AMPH: variants seen among roughly 807,000 people sequenced by gnomAD.
AMPH encodes the protein amphiphysin (Stiff-Mann syndrome with breast cancer 128kD autoantigen).
AMPH carries 49 observed loss-of-function variants against 99.1 expected under a neutral mutation model. The observed-to-expected ratio is 0.49, with a 90% CI of 0.39 to 0.63. AMPH has a LOEUF of 0.63. Ranked by LOEUF, AMPH falls within the 20% of genes least tolerant of loss-of-function variation. The pLI is 0.00. For synonymous variants in AMPH, 314 were observed against 317.3 expected (o/e 0.99, Z 0.11); for missense variants, 759 against 863.4 (o/e 0.88, Z 1.52).
At chr7:38,480,620 T>A (rs1001026204) in intron 5 of AMPH, among the ~76,000 whole-genome samples, 1 of 152,128 alleles carries the variant, frequency 6.6e-6, no homozygotes, top group Non-Finnish European at 1.5e-5. Context: ...CACTTACAAC[T>A]AGTATACTAG....
chr7:38,568,136 G>T (rs894619322), intron 1 of AMPH, among the ~76,000 whole-genome samples: 1 of 152,094 alleles, frequency 6.6e-6, no homozygotes, highest in Non-Finnish European at 1.5e-5. Context: ...CCTTATTACT[G>T]TTGGGGTATT....
chr7:38,606,957 C>T (rs542693538), intron 1 of AMPH, among the ~76,000 whole-genome samples: 2 of 152,236 alleles, frequency 1.3e-5, no homozygotes, highest in African/African-American at 4.8e-5. Flanking sequence ...AGTGAATGGA[C>T]ATTTGTGTTG....
At chr7:38,468,720 T>C (rs1787761617) in intron 7 of AMPH, among the ~76,000 whole-genome samples, 1 of 152,192 alleles carries the variant, frequency 6.6e-6, no homozygotes. Context: ...TAGCACCTAG[T>C]ACACGGCAAG....
chr7:38,493,764 G>A (rs1403827894), intron 4 of AMPH, among the ~76,000 whole-genome samples: 5 of 152,152 alleles, frequency 3.3e-5, no homozygotes, highest in South Asian at 4.1e-4. Flanking sequence ...CCCTGCATTT[G>A]GGGAGGCATA....
chr7:38,422,797 T>C (rs1398326652), intron 15 of AMPH, among the ~76,000 whole-genome samples: 36 of 152,158 alleles, frequency 2.4e-4, no homozygotes, highest in Admixed American at 2.3e-3. Flanking sequence ...TTTTGCATTT[T>C]TTTGTATAGA....
At chr7:38,447,783 T>C (rs1216162664) in intron 11 of AMPH, among the ~76,000 whole-genome samples, 2 of 138,028 alleles carry the variant, frequency 1.4e-5, no homozygotes, top group South Asian at 2.4e-4. Flanking sequence ...CACACACCCA[T>C]ACACAAAATT....
At chr7:38,498,765 A>G (rs1479148638) in intron 3 of AMPH, among the ~76,000 whole-genome samples, 1 of 152,240 alleles carries the variant, frequency 6.6e-6, no homozygotes, top group Non-Finnish European at 1.5e-5. Context: ...CCTTGTCTAC[A>G]ATAACTCTAA....
intron 1 of AMPH, among the ~76,000 whole-genome samples, chr7:38,600,267 A>C (rs10280572): frequency 1.6e-3 from 245 of 152,226 alleles, no homozygotes; most frequent in African/African-American, 5.6e-3. Flanking sequence ...CAAATATTTA[A>C]ATTTTTCTTT....
chr7:38,592,051 T>C (rs1419448674), intron 1 of AMPH, among the ~76,000 whole-genome samples: 1 of 152,232 alleles, frequency 6.6e-6, no homozygotes, highest in Admixed American at 6.5e-5. Flanking sequence ...ACAGTTTCTA[T>C]TATAGATTAA....
chr7:38,454,849 A>C (rs1787169433), intron 11 of AMPH, among the ~76,000 whole-genome samples: 1 of 152,244 alleles, frequency 6.6e-6, no homozygotes, highest in Non-Finnish European at 1.5e-5. Context: ...GGGTTGGTAC[A>C]ACCAACTGAG....
intron 17 of AMPH, among the ~76,000 whole-genome samples, chr7:38,407,017 G>T (rs1362088864): frequency 9.0e-5 from 2 of 22,294 alleles, no homozygotes; most frequent in Admixed American, 6.2e-4. Flanking sequence ...TTCCCTAATA[G>T]ACTCCTCTCT....
intron 3 of AMPH, among the ~76,000 whole-genome samples, chr7:38,498,111 C>T (rs1489098664): frequency 2.0e-5 from 3 of 152,154 alleles, no homozygotes; most frequent in Non-Finnish European, 4.4e-5. Context: ...GCTTCAACTC[C>T]TTTTCTCAGT....
intron 9 of AMPH, among the ~76,000 whole-genome samples, chr7:38,464,372 A>G (rs1190668759): frequency 6.6e-6 from 1 of 152,174 alleles, no homozygotes; most frequent in Non-Finnish European, 1.5e-5. Flanking sequence ...TCTCTTATGT[A>G]TTCTTTCAGG....
chr7:38,495,600 ATT>A (rs34388679), intron 3 of AMPH, among the ~76,000 whole-genome samples: 40 of 147,294 alleles, frequency 2.7e-4, no homozygotes, highest in South Asian at 4.4e-4. Context: ...CCTGGCTGAG[ATT>A]TTTTTTTTTT....
intron 1 of AMPH, among the ~76,000 whole-genome samples, chr7:38,627,346 A>G (rs1415457409): frequency 6.8e-6 from 1 of 147,592 alleles, no homozygotes; most frequent in Non-Finnish European, 1.5e-5. Flanking sequence ...GATTGAGACC[A>G]TCCTGGCAAA....
chr7:38,494,310 A>G (rs1231717263), intron 4 of AMPH, 123 bp downstream of exon 4: 3 of 816,790 alleles, frequency 3.7e-6, no homozygotes, highest in Non-Finnish European at 6.2e-6. Context: ...AGAACTGCAC[A>G]GTGCCTTCTG....
At chr7:38,571,492 TATAA>T (rs1398457971) in intron 1 of AMPH, among the ~76,000 whole-genome samples, 2 of 135,208 alleles carry the variant, frequency 1.5e-5, no homozygotes, top group African/African-American at 2.7e-5. Flanking sequence ...ATATATTCTA[TATAA>T]ATATATTCTA....
At chr7:38,430,014 G>A in intron 13 of AMPH, 149 bp from the exon 14 acceptor site, 1 of 727,540 alleles carries the variant, frequency 1.4e-6, no homozygotes, top group East Asian at 3.0e-5. Context: ...TTTGTGATAG[G>A]AATGATTTTT....
At chr7:38,447,169 G>A (rs1786820180) in intron 11 of AMPH, among the ~76,000 whole-genome samples, 1 of 152,080 alleles carries the variant, frequency 6.6e-6, no homozygotes, top group Non-Finnish European at 1.5e-5. Context: ...ACAGGCATGT[G>A]CCACCATGCC....
Sources: gnomAD v4.1 joint callset for allele counts (sites outside exome capture counted in the v4.1 genomes callset) on GRCh38, gnomAD v4.1.1 for gene constraint, MANE v1.5 for transcripts, NCBI Gene and HGNC (gene_info 2026-07-23, HGNC 2026-07-21) for gene names.